TBC1D5: variants seen among roughly 807,000 people sequenced by gnomAD.
The protein encoded by TBC1D5 is TBC1 domain family, member 5.
TBC1D5 carries 75 observed loss-of-function variants against 100.3 expected under a neutral mutation model. The observed-to-expected ratio is 0.75, with a 90% CI of 0.62 to 0.91. The LOEUF is 0.91. Among genes scored for constraint, TBC1D5 ranks in the 40% least tolerant of loss-of-function variants. The pLI is 0.00. For missense variants in TBC1D5, 910 were observed against 942.4 expected (o/e 0.97, Z 0.45); for synonymous variants, 323 against 325.6 (o/e 0.99, Z 0.09).
In TBC1D5 at chr3:17,710,988, T is replaced by C. The variant is rs2074675969; in HGVS notation, c.-101+28355A>G. Among the ~76,000 whole-genome samples, 4 of 152,276 alleles carry C rather than the reference T, an allele frequency of 2.6e-5. No homozygotes were observed. In the South Asian group the frequency reaches 6.2e-4, roughly 24 times the overall value. ...CTAGAATTACAGGCATGAGCCACCA[T>C]ACACGGTCTGTTTTCATTTATTTAA... On this transcript the variant is annotated intron_variant, in intron 1 of 21. Coordinates refer to ENST00000253692, the Ensembl canonical transcript of TBC1D5.
At chr3:17,605,791 A>G (rs776234948) in intron 2 of TBC1D5, among the ~76,000 whole-genome samples, 1 of 152,222 alleles carries the variant, frequency 6.6e-6, no homozygotes, top group African/African-American at 2.4e-5. Context: ...AGGGGGAAAT[A>G]AAGACTTTGT....
At chr3:17,325,599 G>A (rs1324360517) in intron 13 of TBC1D5, among the ~76,000 whole-genome samples, 1 of 152,136 alleles carries the variant, frequency 6.6e-6, no homozygotes, top group African/African-American at 2.4e-5. Context: ...TGGGATTACA[G>A]GCATGAGCCA....
intron 16 of TBC1D5, among the ~76,000 whole-genome samples, chr3:17,238,928 T>C (rs775967501): frequency 2.6e-5 from 4 of 152,138 alleles, no homozygotes; most frequent in Admixed American, 6.5e-5. Flanking sequence ...ATTTTGAAAA[T>C]ATATATGTCT....
At chr3:17,680,207 T>C (rs555199650) in intron 1 of TBC1D5, among the ~76,000 whole-genome samples, 11 of 151,074 alleles carry the variant, frequency 7.3e-5, no homozygotes, top group Non-Finnish European at 1.6e-4. Flanking sequence ...AGATCTGATA[T>C]AATCACTCTA....
chr3:17,560,844 C>A (rs2096554050), intron 2 of TBC1D5, among the ~76,000 whole-genome samples: 1 of 151,680 alleles, frequency 6.6e-6, no homozygotes, highest in Non-Finnish European at 1.5e-5. Context: ...TCACTTGAAC[C>A]CAGGAGGCAG....
intron 13 of TBC1D5, among the ~76,000 whole-genome samples, chr3:17,310,398 C>A (rs1473124815): frequency 2.6e-5 from 4 of 152,024 alleles, no homozygotes; most frequent in Non-Finnish European, 5.9e-5. Context: ...ATAAATCTTT[C>A]ATATTGCTTC....
At chr3:17,485,864 G>A (rs2095559180) in intron 3 of TBC1D5, among the ~76,000 whole-genome samples, 1 of 152,074 alleles carries the variant, frequency 6.6e-6, no homozygotes, top group Non-Finnish European at 1.5e-5. Context: ...CCCAGTAATG[G>A]GATGGTTGGG....
At chr3:17,439,186 A>C (rs545569349) in intron 3 of TBC1D5, among the ~76,000 whole-genome samples, 82 of 152,306 alleles carry the variant, frequency 5.4e-4, no homozygotes, top group Middle Eastern at 3.4e-3. Flanking sequence ...ACAAGACTTC[A>C]TAAAATGTAA....
At chr3:17,412,363 A>G (rs1389952104) in intron 4 of TBC1D5, among the ~76,000 whole-genome samples, 4 of 152,162 alleles carry the variant, frequency 2.6e-5, no homozygotes, top group Non-Finnish European at 5.9e-5. Context: ...AGCCACTGAA[A>G]TACTACTGCA....
At chr3:17,411,242 T>G (rs1423673747) in intron 4 of TBC1D5, among the ~76,000 whole-genome samples, 1 of 152,076 alleles carries the variant, frequency 6.6e-6, no homozygotes, top group Non-Finnish European at 1.5e-5. Flanking sequence ...TAATTAAGGT[T>G]TATATATTTT....
At chr3:17,439,417 T>A (rs2094597802) in intron 3 of TBC1D5, among the ~76,000 whole-genome samples, 1 of 152,158 alleles carries the variant, frequency 6.6e-6, no homozygotes, top group Admixed American at 6.5e-5. Flanking sequence ...ACTAAGACAT[T>A]CCAAAGCCTA....
chr3:17,705,955 G>T (rs111561681), intron 1 of TBC1D5: 4 of 1,320,758 alleles, frequency 3.0e-6, no homozygotes, highest in East Asian at 5.1e-5. Flanking sequence ...GCTGCCTCCC[G>T]GGCGGCGCTC....
intron 3 of TBC1D5, among the ~76,000 whole-genome samples, chr3:17,505,801 T>C (rs1461102541): frequency 6.6e-6 from 1 of 152,184 alleles, no homozygotes; most frequent in African/African-American, 2.4e-5. Context: ...TAAACTTTGA[T>C]CATAGATCTT....
At chr3:17,359,000 A>G (rs986865699) in intron 13 of TBC1D5, among the ~76,000 whole-genome samples, 1 of 152,056 alleles carries the variant, frequency 6.6e-6, no homozygotes, top group African/African-American at 2.4e-5. Flanking sequence ...AACTTACTAT[A>G]TTATTATAAC....
At chr3:17,578,998 T>C (rs2096674867) in intron 2 of TBC1D5, among the ~76,000 whole-genome samples, 1 of 152,008 alleles carries the variant, frequency 6.6e-6, no homozygotes, top group Admixed American at 6.6e-5. Context: ...TCAGCCACTG[T>C]TTACTAGTAT....
At chr3:17,556,399 A>T (rs1324846918) in intron 2 of TBC1D5, among the ~76,000 whole-genome samples, 3 of 152,136 alleles carry the variant, frequency 2.0e-5, no homozygotes, top group Non-Finnish European at 4.4e-5. Context: ...TTTCATCATC[A>T]TCTTCACCTT....
intron 16 of TBC1D5, among the ~76,000 whole-genome samples, chr3:17,256,478 A>G (rs1320409062): frequency 2.0e-5 from 3 of 147,478 alleles, no homozygotes; most frequent in African/African-American, 7.5e-5. Context: ...TCAATGTGTT[A>G]TATATATATA....
chr3:17,220,683 A>T lies in TBC1D5; in HGVS notation c.1589-6313T>A, dbSNP rs865816071. On this transcript the variant is annotated intron_variant, in intron 17 of 21. Coordinates refer to ENST00000253692, the Ensembl canonical transcript of TBC1D5. ...TCATAAATTTCTCCTTTTTTCCATG[A>T]ATTTTTCCTTTCATGAATTTTCTCC... is the stretch of plus-strand genomic sequence containing the variant. Among the ~76,000 whole-genome samples, 123 of 152,136 alleles carry T rather than the reference A, an allele frequency of 8.1e-4. 1 individual carries two copies. The highest frequency in any genetic ancestry group is 2.9e-3 in the African/African-American group (122 of 41,552).
rs773799043 is a variant in TBC1D5, at chr3:17,374,553, T to C, written c.753-13A>G. ...TGAGAACACTGCACTAAAAATAAAA[T>C]AACACAATGCTATGTAACTTTCATT... On this transcript the variant is annotated splice_polypyrimidine_tract_variant and intron_variant, in intron 11 of 21. Transcript: ENST00000253692. 5.0e-6 allele frequency: 8 copies of C among 1,610,570 alleles called. No homozygotes were observed. In the Admixed American group the frequency reaches 1.3e-4, roughly 27 times the overall value.
Sources: allele counts gnomAD v4.1 joint callset (sites outside exome capture counted in the v4.1 genomes callset), GRCh38; gene constraint gnomAD v4.1.1; transcripts MANE v1.5; gene names NCBI Gene and HGNC (gene_info 2026-07-23, HGNC 2026-07-21).